ACACA: variants seen among roughly 807,000 people sequenced by gnomAD.
ACACA encodes the protein acetyl-CoA carboxylase 1.
A neutral mutation model predicts 296.1 loss-of-function variants in ACACA; 103 were observed. The ratio of observed to expected loss-of-function variants is 0.35; its 90% CI spans 0.30 to 0.41. ACACA has a LOEUF of 0.41. Ranked by LOEUF, ACACA falls within the 10% of genes least tolerant of loss-of-function variation. ACACA has a pLI of 1.00. For synonymous variants in ACACA, 953 were observed against 1,038.6 expected, an observed-to-expected ratio of 0.92 and a Z score of 1.58; for missense variants, 1,554 against 2,989.7, an observed-to-expected ratio of 0.52 and a Z score of 11.20.
intron 14 of ACACA, among the ~76,000 whole-genome samples, chr17:37,256,108 T>C (rs986972680): frequency 6.6e-6 from 1 of 152,262 alleles, no homozygotes; most frequent in Middle Eastern, 3.4e-3. Context: ...AGTCCTACTT[T>C]TAAGAGCTAG....
chr17:37,291,405 A>T (rs558173147), intron 3 of ACACA, among the ~76,000 whole-genome samples: 61 of 151,784 alleles, frequency 4.0e-4, no homozygotes, highest in Non-Finnish European at 6.3e-4. Context: ...CGAGCTCCCA[A>T]CCTCAGGTGA....
intron 3 of ACACA, among the ~76,000 whole-genome samples, chr17:37,287,730 G>A (rs894548243): frequency 1.3e-5 from 2 of 149,844 alleles, no homozygotes; most frequent in African/African-American, 4.9e-5. Flanking sequence ...GCGACAGAGC[G>A]AGACTCTGTC....
chr17:37,264,915 A>G (rs1250346929), intron 10 of ACACA, among the ~76,000 whole-genome samples: 1 of 152,104 alleles, frequency 6.6e-6, no homozygotes, highest in Non-Finnish European at 1.5e-5. Context: ...TTACATACAT[A>G]TCATCATCTG....
intron 3 of ACACA, among the ~76,000 whole-genome samples, chr17:37,306,621 CATAAAT>C (rs1567973036): frequency 6.6e-6 from 1 of 152,044 alleles, no homozygotes; most frequent in African/African-American, 2.4e-5. Flanking sequence ...TCTTGAACTT[CATAAAT>C]ATAGTGTTAT....
At chr17:37,127,709 T>C (rs181913370) in intron 47 of ACACA, among the ~76,000 whole-genome samples, 86 of 151,982 alleles carry the variant, frequency 5.7e-4, no homozygotes, top group African/African-American at 1.9e-3. Flanking sequence ...CTGGGTGTGG[T>C]GGCATGCACC....
At chr17:37,346,570 C>T (rs887331568) in intron 1 of ACACA, among the ~76,000 whole-genome samples, 2 of 151,518 alleles carry the variant, frequency 1.3e-5, no homozygotes, top group Non-Finnish European at 1.5e-5. Flanking sequence ...GGCGTGGTGG[C>T]GGGCGCCTGT....
At chr17:37,330,767 T>G (rs889694356) in intron 2 of ACACA, among the ~76,000 whole-genome samples, 1 of 152,188 alleles carries the variant, frequency 6.6e-6, no homozygotes, top group Non-Finnish European at 1.5e-5. Context: ...AGCTGCTTGT[T>G]GTGATATTGA....
intron 1 of ACACA, among the ~76,000 whole-genome samples, chr17:37,390,319 TA>T (rs1568096330): frequency 7.3e-5 from 4 of 55,026 alleles, no homozygotes; most frequent in African/African-American, 1.0e-4. Flanking sequence ...TATATATATA[TA>T]TATATATATA....
intron 50 of ACACA, among the ~76,000 whole-genome samples, chr17:37,114,565 G>A (rs961145108): frequency 3.4e-5 from 5 of 147,364 alleles, no homozygotes; most frequent in African/African-American, 5.0e-5. Context: ...AGTACATTTT[G>A]TAATCCCTCC....
intron 42 of ACACA, among the ~76,000 whole-genome samples, chr17:37,156,968 A>G (rs961457995): frequency 6.6e-6 from 1 of 152,240 alleles, no homozygotes; most frequent in Admixed American, 6.5e-5. Flanking sequence ...TATTATGTAC[A>G]AGGTACTATT....
intron 45 of ACACA, among the ~76,000 whole-genome samples, chr17:37,138,323 T>A (rs1297501627): frequency 6.6e-6 from 1 of 152,248 alleles, no homozygotes; most frequent in Non-Finnish European, 1.5e-5. Context: ...TTTCCGCTTC[T>A]TTATCATATT....
intron 24 of ACACA, among the ~76,000 whole-genome samples, 193 bp downstream of exon 24, chr17:37,240,283 C>G (rs951853156): frequency 6.6e-6 from 1 of 152,138 alleles, no homozygotes; most frequent in African/African-American, 2.4e-5. Context: ...AGCTGTGTTT[C>G]GTTGTTCTTT....
chr17:37,216,839 A>C (rs184640018), intron 29 of ACACA, among the ~76,000 whole-genome samples: 34 of 152,092 alleles, frequency 2.2e-4, no homozygotes, highest in East Asian at 3.9e-4. Flanking sequence ...TGAATAAAAA[A>C]AAAAACAAAA....
intron 10 of ACACA, among the ~76,000 whole-genome samples, chr17:37,267,951 G>C (rs2081868419): frequency 6.6e-6 from 1 of 151,824 alleles, no homozygotes; most frequent in African/African-American, 2.4e-5. Flanking sequence ...AGTAGAGATG[G>C]GGTTTCATCA....
At position 37,257,807 on chromosome 17, in the gene ACACA, A is replaced by G. The variant is rs766315819; in HGVS notation, c.1722T>C (p.Val574=). Residue 574 remains valine, a synonymous_variant, in exon 14 of 56, where the codon GTT becomes GTC. Coordinates refer to ENST00000616317, the MANE Select transcript of ACACA (RefSeq NM_198834.3). ...QELNFRSNKN[V]WGYFSVAAAG... ...CAGCAGCAACACTGAAATATCCCCA[A>G]ACATTCTTATTGCTGCGGAAATTTA... is the stretch of plus-strand genomic sequence containing the variant. 88 of 1,614,048 alleles carry G rather than the reference A, an allele frequency of 5.5e-5. No homozygotes were observed. The highest frequency in any genetic ancestry group is 3.7e-5 in the Non-Finnish European group (44 of 1,180,004).
chr17:37,365,005 C>T (rs2074284557), intron 1 of ACACA, among the ~76,000 whole-genome samples: 1 of 152,132 alleles, frequency 6.6e-6, no homozygotes, highest in African/African-American at 2.4e-5. Flanking sequence ...CAGAGTCTCG[C>T]TCTGTCTCCC....
chr17:37,401,359 A>G (rs139137032), intron 1 of ACACA, among the ~76,000 whole-genome samples: 7,648 of 151,156 alleles, frequency 0.051, 549 homozygotes, highest in East Asian at 0.31. Flanking sequence ...CGCCCAGCTA[A>G]TTTTTGTTTT....
chr17:37,284,907 T>C lies in ACACA; in HGVS notation c.402A>G (p.Gln134=), dbSNP rs2082698332. 6.2e-7 allele frequency: 1 copy of C among 1,614,074 alleles called. No homozygotes were observed. Among genetic ancestry groups the C allele is most frequent in the African/African-American group, 1.3e-5 (1 of 74,938 alleles). ...QGRDRKKIDS[Q]RDFTVASPAE... ...CTGGAGAAGCCACAGTGAAATCTCG[T>C]TGAGAATCTATTTTCTTTCTGTCTC... is the stretch of plus-strand genomic sequence containing the variant. The change falls in exon 4 of 56, where the codon CAA becomes CAG. Residue 134 remains glutamine, a synonymous_variant. Coordinates refer to ENST00000616317, the MANE Select transcript of ACACA (RefSeq NM_198834.3).
At chr17:37,334,861 C>A (rs113597512) in intron 2 of ACACA, among the ~76,000 whole-genome samples, 4 of 135,140 alleles carry the variant, frequency 3.0e-5, no homozygotes, top group African/African-American at 8.5e-5. Flanking sequence ...CTAAGGGAAC[C>A]CCCACCTTCA....
Sources: allele counts gnomAD v4.1 joint callset (sites outside exome capture counted in the v4.1 genomes callset), GRCh38; gene constraint gnomAD v4.1.1; transcripts MANE v1.5; gene names NCBI Gene and HGNC (gene_info 2026-07-23, HGNC 2026-07-21).